The following FUOM variants were observed in gnomAD, a reference collection of about 807,000 sequenced individuals.
The protein encoded by FUOM is protein fucU homolog.
Under a neutral mutation model 18.3 loss-of-function variants are expected in FUOM, and 19 were observed. That is an observed-to-expected ratio of 1.04 (90% confidence interval 0.73 to 1.53). FUOM has a LOEUF of 1.53. Ranked by LOEUF, FUOM falls within the 40% of genes most tolerant of loss-of-function variation. The probability of loss-of-function intolerance (pLI) is 0.00; values close to 1 mark genes in which losing one functional copy is unlikely to be tolerated. For missense variants in FUOM, 210 were observed against 200.9 expected (o/e 1.04, Z -0.27); for synonymous variants, 102 against 87.9 (o/e 1.16, Z -0.90).
intron 1 of FUOM, 145 bp downstream of exon 1, chr10:133,357,778 G>A (rs778558833): frequency 1.7e-6 from 1 of 583,812 alleles, no homozygotes; most frequent in Non-Finnish European, 2.9e-6. Flanking sequence ...TGCGGGGGAG[G>A]GGGCTTCCTG....
At chr10:133,356,854 C>T in intron 3 of FUOM, 89 bp downstream of exon 3, 1 of 1,468,222 alleles carries the variant, frequency 6.8e-7, no homozygotes, top group Admixed American at 2.1e-5. Flanking sequence ...TGGCTTCCCC[C>T]CACTCCAAGG....
At chr10:133,356,013 G>A (rs1434347902) in intron 4 of FUOM, among the ~76,000 whole-genome samples, 2 of 152,182 alleles carry the variant, frequency 1.3e-5, no homozygotes, top group African/African-American at 2.4e-5. Flanking sequence ...CATGGTGGAC[G>A]AGGAACCTGC....
In FUOM at chr10:133,357,151, G is replaced by T; in HGVS notation, c.154+36C>A. The T allele has an allele frequency of 3.7e-6, 4 of 1,075,332 alleles. No individual in the cohort carries two copies. The African/African-American group carries it at 4.7e-5, about 13-fold the overall frequency. The allele number at this position is 1,075,332 out of a possible 1,614,324, so 66.6% of individuals were successfully genotyped here. A position where few individuals can be genotyped will look rare whatever the true frequency, so the allele number is the denominator to read the frequency against. On this transcript the variant is annotated intron_variant, in intron 2 of 5. Coordinates refer to ENST00000278025, the MANE Select transcript of FUOM (RefSeq NM_001098483.3). ...TCAGAGCCAGGAGCACCGCTCACCC[G>T]CCCGCCCTGCCCTGGGGGACCTGGG...
chr10:133,355,492 C>T (rs751545188), intron 5 of FUOM, 56 bp from the exon 6 acceptor site: 2 of 1,606,858 alleles, frequency 1.2e-6, no homozygotes, highest in Admixed American at 1.7e-5. Flanking sequence ...GGTGCCGAGA[C>T]CCTGCTTCAG....
Sources: allele counts gnomAD v4.1 joint callset (sites outside exome capture counted in the v4.1 genomes callset), GRCh38; gene constraint gnomAD v4.1.1; transcripts MANE v1.5; gene names NCBI Gene and HGNC (gene_info 2026-07-23, HGNC 2026-07-21).